SRP72: variants seen among roughly 807,000 people sequenced by gnomAD.
SRP72 encodes the protein signal recognition particle subunit SRP72.
SRP72 carries 49 observed loss-of-function variants against 96.3 expected under a neutral mutation model. That is an observed-to-expected ratio of 0.51 (90% CI 0.40 to 0.65). The LOEUF (loss-of-function observed/expected upper bound fraction) is 0.65, where lower values mean the gene tolerates loss of function less well. Among genes scored for constraint, SRP72 ranks in the 30% least tolerant of loss-of-function variants. The probability of loss-of-function intolerance (pLI) is 0.00; values close to 1 mark genes in which losing one functional copy is unlikely to be tolerated. For synonymous variants in SRP72, 267 were observed against 275.2 expected, an observed-to-expected ratio of 0.97 and a Z score of 0.30; for missense variants, 736 against 793.3, an observed-to-expected ratio of 0.93 and a Z score of 0.87.
At chr4:56,476,765 C>A in intron 6 of SRP72, 63 bp downstream of exon 6, 1 of 1,523,394 alleles carries the variant, frequency 6.6e-7, no homozygotes, top group South Asian at 1.2e-5. Context: ...ATTACTGAGG[C>A]TTCATTGTAC....
chr4:56,477,297 C>CTTTT (rs1560677869), intron 6 of SRP72: 3 of 114,818 alleles, frequency 2.6e-5, no homozygotes, highest in Non-Finnish European at 3.5e-5. Context: ...CTCTCTCTCT[C>CTTTT]TCTCTTTTTT....
Position 56,490,554 on chromosome 4 carries a change from A to G in SRP72, c.1425-14A>G. ...TTATAAACAGTTCAATAATTTTCTT[A>G]TTTCTTCTTTTAGACAAAATCCAAA... On this transcript the variant is annotated splice_polypyrimidine_tract_variant and intron_variant, in intron 14 of 18. Coordinates refer to ENST00000642900, the MANE Select transcript of SRP72 (RefSeq NM_006947.4). The G allele has an allele frequency of 2.5e-6, 4 of 1,611,944 alleles. No individual in the cohort carries two copies. Among genetic ancestry groups the G allele is most frequent in the Non-Finnish European group, 3.4e-6 (4 of 1,179,036 alleles).
intron 5 of SRP72, 34 bp from the exon 6 acceptor site, chr4:56,476,637 C>T: frequency 6.2e-7 from 1 of 1,608,816 alleles, no homozygotes. Flanking sequence ...ATTTACCCAG[C>T]AATACTACTT....
At chr4:56,487,840 T>G in intron 11 of SRP72, 109 bp from the exon 12 acceptor site, 1 of 764,148 alleles carries the variant, frequency 1.3e-6, no homozygotes, top group Non-Finnish European at 2.1e-6. Flanking sequence ...AAACATGAGT[T>G]ATGGTTGCTT....
chr4:56,472,348 C>CTTT (rs11332013), intron 3 of SRP72, among the ~76,000 whole-genome samples: 6 of 123,046 alleles, frequency 4.9e-5, no homozygotes, highest in Admixed American at 8.5e-5. Context: ...TAAAGTTTTT[C>CTTT]TTTTTTTTTT....
intron 3 of SRP72, among the ~76,000 whole-genome samples, chr4:56,473,457 C>CAAA (rs536634526): frequency 7.7e-6 from 1 of 129,552 alleles, no homozygotes; most frequent in East Asian, 2.2e-4. Context: ...GACTCCATCT[C>CAAA]AAAAAAAAAA....
chr4:56,476,297 A>C (rs547623058), intron 5 of SRP72: 5 of 208,562 alleles, frequency 2.4e-5, no homozygotes, highest in South Asian at 8.0e-5. Flanking sequence ...AACAAACAAA[A>C]AAAATATTAA....
chr4:56,494,504 A>G (rs891378451), intron 16 of SRP72, among the ~76,000 whole-genome samples: 1 of 151,308 alleles, frequency 6.6e-6, no homozygotes, highest in Non-Finnish European at 1.5e-5. Flanking sequence ...CCCTGGTTCA[A>G]GTGATTCTCC....
Position 56,491,316 on chromosome 4 carries a change from G to A in SRP72, c.1503-115G>A, listed in dbSNP as rs985976506. On this transcript the variant is annotated intron_variant, in intron 15 of 18. Coordinates refer to ENST00000642900, the MANE Select transcript of SRP72 (RefSeq NM_006947.4). ...AGGAACATTTTTTGCTTTTGTTGAA[G>A]GTCATCAAGAAAAGACAGTCTTCCA... is the stretch of plus-strand genomic sequence containing the variant. 8 of 1,265,324 alleles carry A rather than the reference G, an allele frequency of 6.3e-6. No homozygotes were observed. In the African/African-American group the frequency reaches 9.0e-5, roughly 14 times the overall value. The allele number at this position is 1,265,324 out of a possible 1,614,324, so 78.4% of individuals were successfully genotyped here. A position where few individuals can be genotyped will look rare whatever the true frequency, so the allele number is the denominator to read the frequency against.
At chr4:56,474,442 T>C in intron 5 of SRP72, 51 bp downstream of exon 5, 3 of 1,460,650 alleles carry the variant, frequency 2.1e-6, no homozygotes, top group East Asian at 4.6e-5. Context: ...TATAACTTTG[T>C]AGAGTATCTT....
chr4:56,476,894 A>T (rs568083905), intron 6 of SRP72, 192 bp downstream of exon 6: 24 of 573,110 alleles, frequency 4.2e-5, no homozygotes, highest in African/African-American at 3.1e-4. Flanking sequence ...AATACAAAAA[A>T]TTTTGACATA....
chr4:56,500,723 AC>A, intron 18 of SRP72, 28 bp downstream of exon 18: 1 of 1,593,058 alleles, frequency 6.3e-7, no homozygotes, highest in South Asian at 1.1e-5. Context: ...AATTGAGGGC[AC>A]TTAGAACATA....
intron 8 of SRP72, 30 bp downstream of exon 8, chr4:56,478,679 T>C (rs373347205): frequency 4.4e-5 from 70 of 1,594,448 alleles, no homozygotes; most frequent in African/African-American, 4.0e-4. Context: ...TCCATAGATA[T>C]ATTTTACCCT....
At chr4:56,487,926 C>T (rs1469120192) in intron 11 of SRP72, 23 bp from the exon 12 acceptor site, 2 of 1,550,328 alleles carry the variant, frequency 1.3e-6, no homozygotes, top group Admixed American at 2.0e-5. Context: ...CTATGTAATG[C>T]TGATTTTGTT....
At chr4:56,481,594 T>TA (rs11426244) in intron 8 of SRP72, among the ~76,000 whole-genome samples, 10,713 of 148,312 alleles carry the variant, frequency 0.072, 419 homozygotes, top group Middle Eastern at 0.11. Flanking sequence ...TATTTTCTGC[T>TA]AAAAAAAAAA....
chr4:56,484,645 T>G, intron 9 of SRP72, 91 bp from the exon 10 acceptor site: 1 of 1,541,182 alleles, frequency 6.5e-7, no homozygotes, highest in Non-Finnish European at 8.9e-7. Context: ...TTGTTTCAAC[T>G]GATTTTCCCA....
At chr4:56,500,102 A>T (rs553119235) in intron 17 of SRP72, among the ~76,000 whole-genome samples, 49 of 152,306 alleles carry the variant, frequency 3.2e-4, no homozygotes, top group South Asian at 8.3e-4. Flanking sequence ...GTCTCAGCAA[A>T]CTAACACAGG....
At chr4:56,478,099 A>G (rs1372040245) in intron 6 of SRP72, among the ~76,000 whole-genome samples, 1 of 151,104 alleles carries the variant, frequency 6.6e-6, no homozygotes, top group East Asian at 1.9e-4. Context: ...ATAATGATCA[A>G]TAAATGGTAG....
At chr4:56,487,410 C>T (rs1720751248) in intron 11 of SRP72, among the ~76,000 whole-genome samples, 1 of 152,042 alleles carries the variant, frequency 6.6e-6, no homozygotes, top group African/African-American at 2.4e-5. Context: ...TTGATCTTTC[C>T]TCCTATGTTT....
Sources: gnomAD v4.1 joint callset for allele counts (sites outside exome capture counted in the v4.1 genomes callset) on GRCh38, gnomAD v4.1.1 for gene constraint, MANE v1.5 for transcripts, NCBI Gene and HGNC (gene_info 2026-07-23, HGNC 2026-07-21) for gene names.